ISM1: variants seen among roughly 807,000 people sequenced by gnomAD.
ISM1 encodes the protein isthmin-1.
ISM1 carries 25 observed loss-of-function variants against 46.3 expected under a neutral mutation model. The ratio of observed to expected loss-of-function variants is 0.54; its 90% CI spans 0.39 to 0.75. The LOEUF (loss-of-function observed/expected upper bound fraction) is 0.75, where lower values mean the gene tolerates loss of function less well. ISM1 is among the 30% of genes least tolerant of loss of function. The pLI is 0.00. For synonymous variants in ISM1, 255 were observed against 256.7 expected (o/e 0.99, Z 0.06); for missense variants, 536 against 625.4 (o/e 0.86, Z 1.52).
In ISM1 at chr20:13,224,733, G is replaced by A. The variant is rs560310907; in HGVS notation, c.138+2819G>A. On this transcript the variant is annotated intron_variant, in intron 1 of 5. Coordinates refer to ENST00000262487, the MANE Select transcript of ISM1 (RefSeq NM_080826.2). ...TCTTATTTAAGGATATATCAAGGAC[G>A]CCCAATAAAGTAGTAGTAAGAAAAG... Among the ~76,000 whole-genome samples the A allele has an allele frequency of 5.3e-5, 8 of 151,982 alleles. No homozygotes were observed. In the South Asian group the frequency reaches 8.3e-4, roughly 16 times the overall value.
chr20:13,259,289 A>C (rs923168562), intron 1 of ISM1, among the ~76,000 whole-genome samples: 25 of 151,734 alleles, frequency 1.6e-4, no homozygotes, highest in Admixed American at 4.6e-4. Flanking sequence ...TCAAAAAAAA[A>C]AAAACAAAAA....
At chr20:13,257,677 T>C (rs1437355326) in intron 1 of ISM1, among the ~76,000 whole-genome samples, 1 of 151,710 alleles carries the variant, frequency 6.6e-6, no homozygotes, top group East Asian at 1.9e-4. Flanking sequence ...AAAGCAGTGT[T>C]GGGGTGGACT....
chr20:13,226,250 G>A (rs1172178871), intron 1 of ISM1, among the ~76,000 whole-genome samples: 1 of 152,078 alleles, frequency 6.6e-6, no homozygotes, highest in African/African-American at 2.4e-5. Context: ...TTAGCTTCTT[G>A]TATTCACTGC....
intron 1 of ISM1, among the ~76,000 whole-genome samples, chr20:13,249,445 G>A (rs940418235): frequency 6.6e-6 from 1 of 152,272 alleles, no homozygotes; most frequent in South Asian, 2.1e-4. Context: ...AGGACCACAC[G>A]GAGTCCATTC....
At chr20:13,239,050 C>T (rs531237624) in intron 1 of ISM1, 4 of 152,148 alleles carry the variant, frequency 2.6e-5, no homozygotes, top group East Asian at 1.9e-4. Context: ...CATGCAATTC[C>T]GAAGACATCA....
chr20:13,224,746 G>C lies in ISM1; in HGVS notation c.138+2832G>C, dbSNP rs143283974. Among the ~76,000 whole-genome samples, 140 of 151,542 alleles carry C rather than the reference G, an allele frequency of 9.2e-4. No homozygotes were observed. The East Asian group carries it at 0.02, about 22-fold the overall frequency. On this transcript the variant is annotated intron_variant, in intron 1 of 5. Transcript: ENST00000262487. ...TATATCAAGGACGCCCAATAAAGTA[G>C]TAGTAAGAAAAGCAACAATAATAGT... is the stretch of plus-strand genomic sequence containing the variant.
At chr20:13,311,573 G>C in the ISM1 span, among the ~76,000 whole-genome samples, 4 of 152,194 alleles carry the variant, frequency 2.6e-5, no homozygotes, top group Admixed American at 2.0e-4. Context: ...GGGAAATGTG[G>C]TATGTTCACA....
chr20:13,244,126 C>G (rs1400837207), intron 1 of ISM1: 2 of 152,204 alleles, frequency 1.3e-5, no homozygotes, highest in African/African-American at 2.4e-5. Flanking sequence ...GCTATCCTCT[C>G]TTTTGTTCAC....
chr20:13,245,578 C>A (rs2039783580), intron 1 of ISM1, among the ~76,000 whole-genome samples: 1 of 152,188 alleles, frequency 6.6e-6, no homozygotes, highest in South Asian at 2.1e-4. Context: ...CCATACTCCC[C>A]TCCACATGTA....
intron 3 of ISM1, among the ~76,000 whole-genome samples, chr20:13,281,948 C>A (rs1443898326): frequency 1.3e-5 from 2 of 152,122 alleles, no homozygotes; most frequent in Non-Finnish European, 2.9e-5. Context: ...CAAAGTGTGG[C>A]CCCCAGAACC....
At chr20:13,261,050 A>G (rs1001806647) in intron 1 of ISM1, among the ~76,000 whole-genome samples, 5 of 152,192 alleles carry the variant, frequency 3.3e-5, no homozygotes, top group African/African-American at 1.2e-4. Flanking sequence ...GAGCAAAAAA[A>G]AATAGGCAAT....
chr20:13,276,500 C>T (rs2123271504), intron 2 of ISM1, among the ~76,000 whole-genome samples: 1 of 152,274 alleles, frequency 6.6e-6, no homozygotes, highest in Non-Finnish European at 1.5e-5. Flanking sequence ...TTTCTTGGAG[C>T]TGGGGAGATT....
At chr20:13,310,522 T>C in the ISM1 span, among the ~76,000 whole-genome samples, 1 of 152,150 alleles carries the variant, frequency 6.6e-6, no homozygotes, top group Non-Finnish European at 1.5e-5. Flanking sequence ...TGGCAGAGAT[T>C]TGTCTCCTGC....
intron 1 of ISM1, among the ~76,000 whole-genome samples, chr20:13,259,610 G>T (rs2123217238): frequency 6.6e-6 from 1 of 152,194 alleles, no homozygotes; most frequent in Non-Finnish European, 1.5e-5. Flanking sequence ...TGATGATGAA[G>T]TAAGTGTGTA....
rs1412144521 is a variant in ISM1, at chr20:13,221,564, G to A, written c.-213G>A. Among the ~76,000 whole-genome samples the A allele has an allele frequency of 6.9e-6, 1 of 144,652 alleles. No individual in the cohort carries two copies. Among genetic ancestry groups the A allele is most frequent in the African/African-American group, 2.5e-5 (1 of 40,374 alleles). 94.9% of individuals were successfully genotyped at this position (144,652 alleles called of 152,430 possible). A position where few individuals can be genotyped will look rare whatever the true frequency, so the allele number is the denominator to read the frequency against. ...GGCTCCGCCGTGGTGCGGCGGCGGC[G>A]GCGGCGGCGGCGCCGGCAGCTCCTG... On this transcript the variant is annotated 5_prime_UTR_variant, in exon 1 of 6. Transcript: ENST00000262487.
At chr20:13,251,889 G>A (rs2039872025) in intron 1 of ISM1, among the ~76,000 whole-genome samples, 1 of 152,156 alleles carries the variant, frequency 6.6e-6, no homozygotes, top group Non-Finnish European at 1.5e-5. Flanking sequence ...TTAAAAATGG[G>A]TTTGGCTCTA....
rs117354967 is a variant in ISM1 at position 13,233,767 on chromosome 20, A to G, written c.138+11853A>G. Reference sequence around the variant, plus strand: ...GGAAAATACTGTCCTTCTCTTACACATAAGGTAACCCATCCATTGCCCAAA... The same window carrying G: ...GGAAAATACTGTCCTTCTCTTACACGTAAGGTAACCCATCCATTGCCCAAA... On this transcript the variant is annotated intron_variant, in intron 1 of 5. Coordinates refer to ENST00000262487, the MANE Select transcript of ISM1 (RefSeq NM_080826.2). Among the ~76,000 whole-genome samples the G allele has an allele frequency of 3.8e-3, 581 of 152,276 alleles. 5 individuals are homozygous for G. Among genetic ancestry groups the G allele is most frequent in the Middle Eastern group, 0.017 (5 of 294 alleles).
chr20:13,313,922 A>T, the ISM1 span, among the ~76,000 whole-genome samples: 1 of 152,214 alleles, frequency 6.6e-6, no homozygotes, highest in Admixed American at 6.5e-5. Context: ...GTAAGCAGAG[A>T]GATAAAAAAT....
chr20:13,318,355 A>G, the ISM1 span, among the ~76,000 whole-genome samples: 1 of 152,198 alleles, frequency 6.6e-6, no homozygotes, highest in Non-Finnish European at 1.5e-5. Context: ...GAGCAACAGG[A>G]ATTCTTATTC....
Sources: allele counts gnomAD v4.1 joint callset (sites outside exome capture counted in the v4.1 genomes callset), GRCh38; gene constraint gnomAD v4.1.1; transcripts MANE v1.5; gene names NCBI Gene and HGNC (gene_info 2026-07-23, HGNC 2026-07-21).